SH3RF2: variants seen among roughly 807,000 people sequenced by gnomAD.
SH3RF2 encodes the protein E3 ubiquitin-protein ligase SH3RF2.
A neutral mutation model predicts 59.0 loss-of-function variants in SH3RF2; 43 were observed. That is an observed-to-expected ratio of 0.73 (90% CI 0.57 to 0.94). The LOEUF is 0.94. SH3RF2 is among the 40% of genes least tolerant of loss of function. SH3RF2 has a pLI of 0.00. For missense variants in SH3RF2, 930 were observed against 940.1 expected (o/e 0.99, Z 0.14); for synonymous variants, 391 against 391.5 (o/e 1.00, Z 0.01).
At chr5:146,008,485 G>A (rs1376994390) in intron 4 of SH3RF2, among the ~76,000 whole-genome samples, 1 of 152,074 alleles carries the variant, frequency 6.6e-6, no homozygotes, top group Non-Finnish European at 1.5e-5. Flanking sequence ...AACAATGGAG[G>A]GGCAGGTGTC....
intron 2 of SH3RF2, among the ~76,000 whole-genome samples, chr5:145,974,151 T>A (rs1759197196): frequency 6.6e-6 from 1 of 152,236 alleles, no homozygotes; most frequent in South Asian, 2.1e-4. Context: ...TGCCTGCTGT[T>A]GGCTGGAAGC....
intron 2 of SH3RF2, among the ~76,000 whole-genome samples, chr5:145,938,753 C>A (rs1757698490): frequency 6.6e-6 from 1 of 152,230 alleles, no homozygotes; most frequent in East Asian, 1.9e-4. Context: ...CCAAATCCAT[C>A]TTCCCACCCC....
intron 5 of SH3RF2, among the ~76,000 whole-genome samples, chr5:146,036,432 C>T (rs563582790): frequency 9.7e-4 from 148 of 152,232 alleles, no homozygotes; most frequent in African/African-American, 3.5e-3. Flanking sequence ...TGGTGGCTCA[C>T]GCCTGTAATC....
At chr5:145,986,594 A>C (rs1422901431) in intron 2 of SH3RF2, among the ~76,000 whole-genome samples, 1 of 152,088 alleles carries the variant, frequency 6.6e-6, no homozygotes, top group African/African-American at 2.4e-5. Flanking sequence ...TGGTGACGGA[A>C]ATCTTTTGCT....
In SH3RF2 at chr5:146,062,554, G is replaced by A; in HGVS notation, c.2043G>A (p.Leu681=). The A allele has an allele frequency of 6.2e-7, 1 of 1,614,114 alleles. No individual in the cohort carries two copies. Among genetic ancestry groups the A allele is most frequent in the Non-Finnish European group, 8.5e-7 (1 of 1,180,000 alleles). ...CGTCCCAGCCTGAAGCAGCGTCCTT[G>A]GGCCCAGAGATGACCGTCCTATTTG... The part of the protein sequence containing the change: ...LKASQPEAAS[L]GPEMTVLFAH... The change falls in exon 10 of 10, where the codon TTG becomes TTA. Residue 681 remains leucine, a synonymous_variant. Coordinates refer to ENST00000359120, the MANE Select transcript of SH3RF2 (RefSeq NM_152550.4).
chr5:145,948,028 T>C (rs998925), intron 2 of SH3RF2, among the ~76,000 whole-genome samples: 14,651 of 152,212 alleles, frequency 0.096, 1,062 homozygotes, highest in East Asian at 0.27. Context: ...TTCACATGTG[T>C]TACGAGAGCA....
At chr5:146,012,620 G>C (rs1430786235) in intron 4 of SH3RF2, among the ~76,000 whole-genome samples, 1 of 152,152 alleles carries the variant, frequency 6.6e-6, no homozygotes, top group East Asian at 1.9e-4. Context: ...ATGAGATACG[G>C]TTTTAGAGGG....
chr5:146,071,316 G>T (rs1302883773), intron 9 of SH3RF2, among the ~76,000 whole-genome samples: 1 of 152,172 alleles, frequency 6.6e-6, no homozygotes, highest in African/African-American at 2.4e-5. Context: ...TCAAGGAGAG[G>T]GTAGAGGACT....
In SH3RF2 at chr5:146,040,381, AGAAGTGG is replaced by A. The variant is rs759177152; in HGVS notation, c.1060-7378_1060-7372del. ...AACAAAGGGAAGTTACAGTCAGACC[AGAAGTGG>A]GAAGTGGGAAGTAACAGGTAGGGGG... is the stretch of plus-strand genomic sequence containing the variant. On this transcript the variant is annotated intron_variant, in intron 5 of 9. Coordinates refer to ENST00000359120, the MANE Select transcript of SH3RF2 (RefSeq NM_152550.4). Among the ~76,000 whole-genome samples the A allele has an allele frequency of 3.0e-4, 46 of 152,308 alleles. No individual in the cohort carries two copies. In the Middle Eastern group the frequency reaches 0.01, roughly 34 times the overall value.
intron 2 of SH3RF2, among the ~76,000 whole-genome samples, chr5:145,968,246 G>A (rs573304823): frequency 2.6e-5 from 4 of 152,298 alleles, no homozygotes; most frequent in African/African-American, 9.6e-5. Flanking sequence ...ATGCCCAGAT[G>A]CTCAAACATT....
In SH3RF2 at chr5:146,013,975, AC is replaced by A. The variant is rs1250697060; in HGVS notation, c.977del (p.Pro326GlnfsTer11). 1 of 1,613,826 alleles carries A rather than the reference AC, an allele frequency of 6.2e-7. No individual in the cohort carries two copies. The highest frequency in any genetic ancestry group is 8.5e-7 in the Non-Finnish European group (1 of 1,179,986). ...PSGRHMVEIS[T>X]PVLISSSNPS... ...AGGGCGCCATATGGTAGAGATCAGC[AC>A]CCCAGTGCTCATCAGCTCCAGCAAC... On this transcript the variant is annotated frameshift_variant, in exon 5 of 10. Transcript: ENST00000359120. LOFTEE classifies it high-confidence loss of function.
chr5:145,937,896 TC>T lies in SH3RF2; in HGVS notation c.-31del. The T allele has an allele frequency of 6.3e-7, 1 of 1,587,416 alleles. No homozygotes were observed. The highest frequency in any genetic ancestry group is 8.6e-7 in the Non-Finnish European group (1 of 1,166,498). Reference sequence around the variant, plus strand: ...ACTGACCCTACCATGTGGACGCTGCTCCTCCAGGTGGGAACTGGAGTTTTGA... The same window carrying T: ...ACTGACCCTACCATGTGGACGCTGCTCTCCAGGTGGGAACTGGAGTTTTGA... On this transcript the variant is annotated 5_prime_UTR_variant, in exon 2 of 10. The change creates a premature stop within an existing upstream ORF in the 5' untranslated region. Coordinates refer to ENST00000359120, the MANE Select transcript of SH3RF2 (RefSeq NM_152550.4).
intron 5 of SH3RF2, among the ~76,000 whole-genome samples, chr5:146,028,163 AACACACACACAC>A (rs10586561): frequency 0.012 from 1,654 of 142,414 alleles, 39 homozygotes; most frequent in African/African-American, 0.042. Context: ...TGAGGCCTGC[AACACACACACAC>A]ACACACACAC....
At chr5:146,031,643 T>C (rs1168909231) in intron 5 of SH3RF2, among the ~76,000 whole-genome samples, 2 of 152,210 alleles carry the variant, frequency 1.3e-5, no homozygotes, top group African/African-American at 4.8e-5. Flanking sequence ...AATGCCAAGC[T>C]CTGCTGTGTC....
chr5:145,943,784 A>G (rs1389704825), intron 2 of SH3RF2, among the ~76,000 whole-genome samples: 1 of 152,120 alleles, frequency 6.6e-6, no homozygotes, highest in Admixed American at 6.6e-5. Flanking sequence ...CTCACTCCCC[A>G]CAGGATGGCC....
At chr5:145,942,980 G>T (rs930208853) in intron 2 of SH3RF2, among the ~76,000 whole-genome samples, 1 of 151,926 alleles carries the variant, frequency 6.6e-6, no homozygotes, top group African/African-American at 2.4e-5. Context: ...TCAGTTTCTA[G>T]ACTTATATAA....
chr5:146,026,261 C>A (rs1296223428), intron 5 of SH3RF2, among the ~76,000 whole-genome samples: 1 of 152,178 alleles, frequency 6.6e-6, no homozygotes, highest in Non-Finnish European at 1.5e-5. Context: ...ATAGTCCCTA[C>A]AATATATAAC....
At chr5:146,056,334 G>C (rs1479748866) in intron 8 of SH3RF2, 121 bp downstream of exon 8, 2 of 1,435,468 alleles carry the variant, frequency 1.4e-6, no homozygotes, top group Admixed American at 4.5e-5. Flanking sequence ...CCCTGCAAAG[G>C]GTATTATACA....
At chr5:145,956,826 G>C (rs549351617) in intron 2 of SH3RF2, among the ~76,000 whole-genome samples, 7 of 152,286 alleles carry the variant, frequency 4.6e-5, no homozygotes, top group African/African-American at 1.7e-4. Flanking sequence ...GGGAGTTAAA[G>C]ACAAGGAAAT....
Sources: gnomAD v4.1 joint callset for allele counts (sites outside exome capture counted in the v4.1 genomes callset) on GRCh38, gnomAD v4.1.1 for gene constraint, MANE v1.5 for transcripts, NCBI Gene and HGNC (gene_info 2026-07-23, HGNC 2026-07-21) for gene names.